The following PARD6B variants were observed in gnomAD, a reference collection of about 807,000 sequenced individuals.
The protein encoded by PARD6B is par-6 family cell polarity regulator beta.
Under a neutral mutation model 10.5 loss-of-function variants are expected in PARD6B, and 4 were observed. The observed-to-expected ratio is 0.38, with a 90% CI of 0.19 to 0.87. The LOEUF (loss-of-function observed/expected upper bound fraction) is 0.87, where lower values mean the gene tolerates loss of function less well. Among genes scored for constraint, PARD6B ranks in the 40% least tolerant of loss-of-function variants. PARD6B has a pLI of 0.41. For synonymous variants in PARD6B, 169 were observed against 170.4 expected (o/e 0.99, Z 0.07); for missense variants, 396 against 470.6 (o/e 0.84, Z 1.47).
At chr20:50,745,314 C>T (rs1229250723) in intron 2 of PARD6B, among the ~76,000 whole-genome samples, 1 of 151,532 alleles carries the variant, frequency 6.6e-6, no homozygotes, top group East Asian at 1.9e-4. Context: ...ATCCCAGCTA[C>T]TCGGGAGGCT....
intron 1 of PARD6B, 127 bp from the exon 2 acceptor site, chr20:50,737,730 A>C: frequency 3.0e-6 from 2 of 665,854 alleles, no homozygotes; most frequent in South Asian, 2.4e-5. Context: ...GGTTCTTCAC[A>C]ATAGACAATC....
intron 2 of PARD6B, among the ~76,000 whole-genome samples, chr20:50,738,698 T>C (rs2087513213): frequency 6.6e-6 from 1 of 152,238 alleles, no homozygotes; most frequent in African/African-American, 2.4e-5. Context: ...ATAAAACTAG[T>C]TAATTATCTG....
At chr20:50,749,163 G>A (rs556404908) in intron 2 of PARD6B, among the ~76,000 whole-genome samples, 74 of 152,216 alleles carry the variant, frequency 4.9e-4, no homozygotes, top group African/African-American at 1.7e-3. Flanking sequence ...CTAACACGGT[G>A]AAACCCCATC....
chr20:50,735,354 A>T (rs1484911603), intron 1 of PARD6B, among the ~76,000 whole-genome samples: 1 of 152,322 alleles, frequency 6.6e-6, no homozygotes, highest in African/African-American at 2.4e-5. Context: ...TTCTTAATCA[A>T]TAATCTTGAT....
intron 1 of PARD6B, among the ~76,000 whole-genome samples, chr20:50,734,160 T>G (rs1246282880): frequency 6.6e-6 from 1 of 152,228 alleles, no homozygotes; most frequent in Non-Finnish European, 1.5e-5. Context: ...CTATGACACC[T>G]TATATGTTTC....
intron 1 of PARD6B, among the ~76,000 whole-genome samples, chr20:50,735,087 T>C (rs2087492520): frequency 6.6e-6 from 1 of 151,994 alleles, no homozygotes; most frequent in Non-Finnish European, 1.5e-5. Context: ...GAGGCGGAGG[T>C]TGCAGTGAGC....
intron 2 of PARD6B, among the ~76,000 whole-genome samples, chr20:50,747,990 A>G (rs1237344642): frequency 6.6e-6 from 1 of 152,204 alleles, no homozygotes; most frequent in Non-Finnish European, 1.5e-5. Context: ...TTTTTCACAC[A>G]GTAAAGAAAA....
chr20:50,750,213 C>G lies in PARD6B; in HGVS notation c.844C>G (p.Pro282Ala). The G allele has an allele frequency of 8.7e-6, 14 of 1,614,168 alleles. No individual in the cohort carries two copies. The highest frequency in any genetic ancestry group is 1.2e-5 in the Non-Finnish European group (14 of 1,180,030). The change falls in exon 3 of 3, where the codon CCA becomes GCA. Residue 282 changes from proline (P) to alanine (A), a missense_variant. Transcript: ENST00000371610. ...SLLGYPQQIE[P>A]SFEPEDEDSE... ...TCTTGGCTACCCACAGCAGATTGAA[C>G]CAAGCTTTGAGCCAGAGGATGAAGA...
intron 1 of PARD6B, 63 bp downstream of exon 1, chr20:50,731,915 G>A: frequency 7.7e-7 from 1 of 1,303,954 alleles, no homozygotes; most frequent in Non-Finnish European, 9.8e-7. Context: ...GGAGAGGCCG[G>A]GCCAGGCTCG....
chr20:50,745,773 C>G (rs1006078904), intron 2 of PARD6B, among the ~76,000 whole-genome samples: 1 of 152,170 alleles, frequency 6.6e-6, no homozygotes, highest in Non-Finnish European at 1.5e-5. Context: ...TTCCAAAGTG[C>G]TGGGATTACA....
chr20:50,742,509 G>A (rs967398012), intron 2 of PARD6B, among the ~76,000 whole-genome samples: 22 of 151,900 alleles, frequency 1.4e-4, no homozygotes, highest in African/African-American at 1.2e-4. Context: ...GGGACTACAA[G>A]CGTGTGCTAC....
Position 50,750,675 on chromosome 20 carries a change from G to T in PARD6B, c.*187G>T. On this transcript the variant is annotated 3_prime_UTR_variant, in exon 3 of 3. Coordinates refer to ENST00000371610, the MANE Select transcript of PARD6B (RefSeq NM_032521.3). ...ATATAAACTTTGGTGGATCAGAGGT[G>T]AATTTAAGTCCAAAACAAAGGGGCC... 1 of 1,369,118 alleles carries T rather than the reference G, an allele frequency of 7.3e-7. No homozygotes were observed. The highest frequency in any genetic ancestry group is 9.4e-7 in the Non-Finnish European group (1 of 1,065,224). 84.8% of individuals were successfully genotyped at this position (1,369,118 alleles called of 1,614,324 possible).
chr20:50,734,245 G>A (rs984263830), intron 1 of PARD6B, among the ~76,000 whole-genome samples: 5 of 152,122 alleles, frequency 3.3e-5, no homozygotes, highest in African/African-American at 1.2e-4. Context: ...AAAATATTTG[G>A]AAGGGTTTTT....
intron 1 of PARD6B, among the ~76,000 whole-genome samples, chr20:50,737,051 C>G (rs568542284): frequency 5.9e-5 from 9 of 152,232 alleles, no homozygotes; most frequent in Admixed American, 4.6e-4. Flanking sequence ...ATTGGGAAAA[C>G]AGAGGTGTAG....
Position 50,731,720 on chromosome 20 carries a change from A to G in PARD6B, c.-67A>G. ...CGCTTTCCGAGATCCCCAGTCGCGCACTCGCTCCCCGCGCTCCTGAGGGGC... is the reference window on the plus strand; with the variant it reads ...CGCTTTCCGAGATCCCCAGTCGCGCGCTCGCTCCCCGCGCTCCTGAGGGGC... On this transcript the variant is annotated 5_prime_UTR_variant, in exon 1 of 3. Transcript: ENST00000371610. 7.4e-7 allele frequency: 1 copy of G among 1,346,244 alleles called. No individual in the cohort carries two copies. Among genetic ancestry groups the G allele is most frequent in the Non-Finnish European group, 9.6e-7 (1 of 1,042,650 alleles). The allele number at this position is 1,346,244 out of a possible 1,614,324, so 83.4% of individuals were successfully genotyped here.
At chr20:50,749,425 T>G (rs2087587374) in intron 2 of PARD6B, among the ~76,000 whole-genome samples, 1 of 152,226 alleles carries the variant, frequency 6.6e-6, no homozygotes, top group East Asian at 1.9e-4. Flanking sequence ...CTATCAAATT[T>G]AACTTCAACA....
chr20:50,750,087 C>G lies in PARD6B; in HGVS notation c.718C>G (p.Arg240Gly), dbSNP rs142463339. Residue 240 changes from arginine to glycine, a missense_variant, in exon 3 of 3, where the codon CGT becomes GGT. By Grantham distance (125) the Arg-to-Gly change is moderately radical. This residue lies in a region of PARD6B where 188 missense variants were observed against 169.7 expected (regional missense o/e 1.11). Transcript: ENST00000371610. Reference sequence around the variant, plus strand: ...AACAGACATGATGATTGCAAATAGCCGTAACCTCATCATAACAGTGAGACC... The same window carrying G: ...AACAGACATGATGATTGCAAATAGCGGTAACCTCATCATAACAGTGAGACC... ...QVTDMMIANS[R>G]NLIITVRPAN... 10 of 1,614,034 alleles carry G rather than the reference C, an allele frequency of 6.2e-6. No homozygotes were observed. Among genetic ancestry groups the G allele is most frequent in the South Asian group, 5.5e-5 (5 of 91,086 alleles).
intron 2 of PARD6B, 53 bp from the exon 3 acceptor site, chr20:50,749,606 G>T: frequency 7.1e-7 from 1 of 1,414,042 alleles, no homozygotes; most frequent in South Asian, 1.4e-5. Flanking sequence ...AGCTGCAAGT[G>T]AATAGATATT....
Position 50,750,336 on chromosome 20 carries a change from A to T in PARD6B, c.967A>T (p.Ile323Leu), listed in dbSNP as rs930417663. ...TGAGAGCCTGGAGTCATTAACACAG[A>T]TAGAGCTAAGCTTTGAGTCTGGACA... ...NTESLESLTQ[I>L]ELSFESGQNG... is the part of the protein sequence containing the mutation. Residue 323 changes from isoleucine to leucine, a missense_variant, in exon 3 of 3, where the codon ATA becomes TTA. Coordinates refer to ENST00000371610, the MANE Select transcript of PARD6B (RefSeq NM_032521.3). The T allele has an allele frequency of 1.9e-6, 3 of 1,614,100 alleles. No homozygotes were observed. Among genetic ancestry groups the T allele is most frequent in the South Asian group, 1.1e-5 (1 of 91,090 alleles).
Sources: allele counts gnomAD v4.1 joint callset (sites outside exome capture counted in the v4.1 genomes callset), GRCh38; gene constraint gnomAD v4.1.1; regional missense constraint gnomAD v4.1.1; transcripts MANE v1.5; gene names NCBI Gene and HGNC (gene_info 2026-07-23, HGNC 2026-07-21).